Variants in ULK4 observed in about 807,000 individuals in gnomAD.
ULK4 encodes unc-51 like kinase 4.
A neutral mutation model predicts 160.6 loss-of-function variants in ULK4; 133 were observed. That is an observed-to-expected ratio of 0.83 (90% CI 0.72 to 0.96). ULK4 has a LOEUF of 0.96. ULK4 is among the 40% of genes least tolerant of loss of function. The pLI, the probability that ULK4 is intolerant of heterozygous loss-of-function variation, is 0.00. For missense variants in ULK4, 1,580 were observed against 1,499.5 expected (o/e 1.05, Z -0.89); for synonymous variants, 534 against 539.8 (o/e 0.99, Z 0.15).
intron 31 of ULK4, among the ~76,000 whole-genome samples, chr3:41,586,370 T>C (rs1407461842): frequency 6.6e-6 from 1 of 152,202 alleles, no homozygotes; most frequent in Non-Finnish European, 1.5e-5. Context: ...AAGGACATTA[T>C]GCTAAGTGAA....
At chr3:41,407,399 T>C (rs936299783) in intron 34 of ULK4, among the ~76,000 whole-genome samples, 5 of 152,012 alleles carry the variant, frequency 3.3e-5, no homozygotes, top group Admixed American at 3.3e-4. Context: ...ACAAAGATAG[T>C]ACAAAAAACA....
chr3:41,589,196 C>G (rs2031064175), intron 31 of ULK4, among the ~76,000 whole-genome samples: 1 of 151,718 alleles, frequency 6.6e-6, no homozygotes, highest in African/African-American at 2.4e-5. Context: ...TACCACTGAC[C>G]AGGTGTTCTA....
intron 35 of ULK4, among the ~76,000 whole-genome samples, chr3:41,296,187 G>A (rs534993231): frequency 3.9e-5 from 6 of 152,290 alleles, no homozygotes; most frequent in African/African-American, 7.2e-5. Context: ...TTGATAGTGC[G>A]GGATGCAGTG....
At chr3:41,772,559 G>A (rs1330564626) in intron 21 of ULK4, among the ~76,000 whole-genome samples, 1 of 152,174 alleles carries the variant, frequency 6.6e-6, no homozygotes, top group South Asian at 2.1e-4. Flanking sequence ...AACAGGATCT[G>A]AAATTGCGGC....
chr3:41,872,147 G>A (rs996783842), intron 17 of ULK4, among the ~76,000 whole-genome samples: 1 of 152,138 alleles, frequency 6.6e-6, no homozygotes, highest in Admixed American at 6.5e-5. Flanking sequence ...CAGTCCTAAG[G>A]TGTGGCATGG....
At chr3:41,519,060 C>T (rs1575345774) in intron 32 of ULK4, among the ~76,000 whole-genome samples, 1 of 152,312 alleles carries the variant, frequency 6.6e-6, no homozygotes, top group East Asian at 1.9e-4. Flanking sequence ...CTGCTGGAAT[C>T]GCTCCTCTGT....
chr3:41,536,830 G>T (rs1023372885), intron 32 of ULK4, among the ~76,000 whole-genome samples: 11 of 149,948 alleles, frequency 7.3e-5, no homozygotes, highest in African/African-American at 2.0e-4. Context: ...CACACTCAGT[G>T]TAACTTTACA....
intron 35 of ULK4, among the ~76,000 whole-genome samples, chr3:41,364,340 G>T (rs1359663072): frequency 6.6e-6 from 1 of 152,128 alleles, no homozygotes; most frequent in Non-Finnish European, 1.5e-5. Flanking sequence ...CTTTGCCCCT[G>T]AACTGATTGA....
chr3:41,378,355 C>T (rs1379202263), intron 35 of ULK4, among the ~76,000 whole-genome samples: 1 of 150,884 alleles, frequency 6.6e-6, no homozygotes, highest in Non-Finnish European at 1.5e-5. Flanking sequence ...GCACATGTAC[C>T]CTAAAACTTA....
chr3:41,721,883 T>C (rs1283130017), intron 22 of ULK4, among the ~76,000 whole-genome samples: 1 of 152,202 alleles, frequency 6.6e-6, no homozygotes. Flanking sequence ...ACTCCAGCAG[T>C]ACCCCAAAAC....
At chr3:41,838,959 A>C (rs9841817) in intron 17 of ULK4, among the ~76,000 whole-genome samples, 8,871 of 152,264 alleles carry the variant, frequency 0.058, 473 homozygotes, top group East Asian at 0.16. Context: ...CAAAGGGTAC[A>C]AACCTTCAGT....
At chr3:41,310,175 C>T (rs114231913) in intron 35 of ULK4, among the ~76,000 whole-genome samples, 140 of 152,306 alleles carry the variant, frequency 9.2e-4, no homozygotes, top group African/African-American at 3.3e-3. Context: ...CTTAGATATA[C>T]TGGCATCATC....
intron 34 of ULK4, among the ~76,000 whole-genome samples, chr3:41,437,157 T>C (rs902892350): frequency 1.3e-5 from 2 of 152,150 alleles, no homozygotes; most frequent in Admixed American, 1.3e-4. Context: ...CTGGCAGGAT[T>C]AAAGACTGAA....
chr3:41,898,956 C>A (rs1717006), intron 13 of ULK4, among the ~76,000 whole-genome samples: 104,742 of 152,148 alleles, frequency 0.69, 39,452 homozygotes, highest in East Asian at 0.83. Context: ...TCAAAACATG[C>A]AGGACATAAC....
intron 22 of ULK4, among the ~76,000 whole-genome samples, chr3:41,732,155 G>A (rs1003856355): frequency 1.3e-5 from 2 of 152,010 alleles, no homozygotes; most frequent in Non-Finnish European, 2.9e-5. Context: ...AAAAGCTTCT[G>A]CACAACAAAG....
intron 31 of ULK4, among the ~76,000 whole-genome samples, chr3:41,575,890 T>C (rs1795313): frequency 0.42 from 64,347 of 152,164 alleles, 15,154 homozygotes; most frequent in Middle Eastern, 0.52. Context: ...TGGCTCTCAA[T>C]GTGGCCCTAT....
intron 18 of ULK4, among the ~76,000 whole-genome samples, chr3:41,823,070 G>A (rs1364384664): frequency 6.7e-6 from 1 of 149,914 alleles, no homozygotes; most frequent in Non-Finnish European, 1.5e-5. Flanking sequence ...TCAAGATAAT[G>A]ATGAGTGCTA....
intron 5 of ULK4, among the ~76,000 whole-genome samples, chr3:41,928,531 C>A (rs1416211804): frequency 2.6e-5 from 1 of 38,118 alleles, no homozygotes; most frequent in Non-Finnish European, 1.4e-4. Context: ...ACACGAAAAA[C>A]CCTTCAAAAA....
intron 35 of ULK4, among the ~76,000 whole-genome samples, chr3:41,322,981 A>C (rs2080272455): frequency 6.6e-6 from 1 of 151,462 alleles, no homozygotes; most frequent in African/African-American, 2.4e-5. Context: ...TTTGTTGCCC[A>C]GGCTGGAGTG....
Sources: allele counts gnomAD v4.1 joint callset (sites outside exome capture counted in the v4.1 genomes callset), GRCh38; gene constraint gnomAD v4.1.1; transcripts MANE v1.5; gene names NCBI Gene and HGNC (gene_info 2026-07-23, HGNC 2026-07-21).